KCNH8: variants seen among roughly 807,000 people sequenced by gnomAD.
KCNH8 encodes the protein potassium voltage-gated channel subfamily H member 8, also known as voltage-gated delayed rectifier potassium channel KCNH8.
Under a neutral mutation model 103.6 loss-of-function variants are expected in KCNH8, and 70 were observed. The ratio of observed to expected loss-of-function variants is 0.68; its 90% CI spans 0.56 to 0.82. The LOEUF (loss-of-function observed/expected upper bound fraction) is 0.82, where lower values mean the gene tolerates loss of function less well. Among genes scored for constraint, KCNH8 ranks in the 40% least tolerant of loss-of-function variants. The pLI is 0.00. For missense variants in KCNH8, 1,217 were observed against 1,329.9 expected, an observed-to-expected ratio of 0.92 and a Z score of 1.32; for synonymous variants, 498 against 489.4, an observed-to-expected ratio of 1.02 and a Z score of -0.23.
intron 1 of KCNH8, among the ~76,000 whole-genome samples, chr3:19,213,121 C>T (rs923893551): frequency 6.6e-6 from 1 of 152,206 alleles, no homozygotes; most frequent in Non-Finnish European, 1.5e-5. Flanking sequence ...ATCTCTACAG[C>T]ATCCTTTACT....
chr3:19,290,038 C>T (rs1172908415), intron 3 of KCNH8, among the ~76,000 whole-genome samples: 1 of 152,082 alleles, frequency 6.6e-6, no homozygotes, highest in Non-Finnish European at 1.5e-5. Context: ...CATGATTTGG[C>T]TCTCTGTTTG....
At chr3:19,166,143 G>T (rs575793496) in intron 1 of KCNH8, among the ~76,000 whole-genome samples, 1 of 152,148 alleles carries the variant, frequency 6.6e-6, no homozygotes, top group African/African-American at 2.4e-5. Context: ...CCTTATTATT[G>T]TTATCTTTGG....
rs141421856 is a variant in KCNH8, at chr3:19,256,861, T to C, written c.310+2974T>C. On this transcript the variant is annotated intron_variant, in intron 2 of 15. Coordinates refer to ENST00000328405, the MANE Select transcript of KCNH8 (RefSeq NM_144633.3). ...TTGCCTGACATTCTAAGAAAACTAA[T>C]TGATCCAGTTACAAGACTGAAAATT... Among the ~76,000 whole-genome samples the C allele has an allele frequency of 4.7e-3, 714 of 152,224 alleles. 6 individuals are homozygous for C. Among genetic ancestry groups the C allele is most frequent in the African/African-American group, 0.016 (661 of 41,572 alleles).
intron 2 of KCNH8, among the ~76,000 whole-genome samples, chr3:19,262,455 T>C (rs2064449608): frequency 6.6e-6 from 1 of 152,046 alleles, no homozygotes; most frequent in African/African-American, 2.4e-5. Context: ...GAACTCAAAA[T>C]AGGAAAAGAG....
At chr3:19,202,558 C>T (rs2063673880) in intron 1 of KCNH8, among the ~76,000 whole-genome samples, 1 of 152,018 alleles carries the variant, frequency 6.6e-6, no homozygotes, top group Non-Finnish European at 1.5e-5. Context: ...GCCAGATGCA[C>T]AAAGCTGCCA....
chr3:19,413,509 A>G (rs1031462179), intron 7 of KCNH8, among the ~76,000 whole-genome samples: 1 of 152,078 alleles, frequency 6.6e-6, no homozygotes, highest in Non-Finnish European at 1.5e-5. Flanking sequence ...TAACCCATGT[A>G]ACAAACCTGT....
Position 19,212,549 on chromosome 3 carries a change from GT to G in KCNH8, c.77-41103del, listed in dbSNP as rs577400075. ...TAGTTTATAAATCCTGAAAAGGCCT[GT>G]TCACATGTCTCAAGGCATCTAGCAC... On this transcript the variant is annotated intron_variant, in intron 1 of 15. Coordinates refer to ENST00000328405, the MANE Select transcript of KCNH8 (RefSeq NM_144633.3). Among the ~76,000 whole-genome samples the G allele has an allele frequency of 8.5e-5, 13 of 152,304 alleles. No individual in the cohort carries two copies. In the South Asian group the frequency reaches 1.9e-3, roughly 22 times the overall value.
chr3:19,264,747 G>C (rs920724841), intron 2 of KCNH8, among the ~76,000 whole-genome samples: 1 of 152,108 alleles, frequency 6.6e-6, no homozygotes, highest in Non-Finnish European at 1.5e-5. Flanking sequence ...TGTGGGCCAA[G>C]CTCTGTGCTC....
intron 15 of KCNH8, among the ~76,000 whole-genome samples, chr3:19,527,407 A>G (rs2069083988): frequency 6.6e-6 from 1 of 152,048 alleles, no homozygotes; most frequent in South Asian, 2.1e-4. Context: ...CAAATCCACT[A>G]TCAAATTGAG....
intron 11 of KCNH8, among the ~76,000 whole-genome samples, chr3:19,508,225 C>T (rs943945871): frequency 6.6e-6 from 1 of 152,020 alleles, no homozygotes; most frequent in Non-Finnish European, 1.5e-5. Context: ...GTGTCTATGC[C>T]AGATTTTGGT....
chr3:19,265,291 A>G (rs1575480475), intron 2 of KCNH8, among the ~76,000 whole-genome samples: 1 of 152,108 alleles, frequency 6.6e-6, no homozygotes, highest in African/African-American at 2.4e-5. Flanking sequence ...ATTATCAGGA[A>G]CAGCCACATA....
chr3:19,194,024 C>T (rs1260109024), intron 1 of KCNH8, among the ~76,000 whole-genome samples: 1 of 151,724 alleles, frequency 6.6e-6, no homozygotes, highest in East Asian at 1.9e-4. Flanking sequence ...AAGGAAAAGA[C>T]AGTAAATTTT....
intron 7 of KCNH8, among the ~76,000 whole-genome samples, chr3:19,433,059 G>A (rs984876944): frequency 3.3e-5 from 5 of 151,978 alleles, no homozygotes; most frequent in East Asian, 3.9e-4. Flanking sequence ...GGCAATTTAC[G>A]ATACTGTACA....
chr3:19,267,298 G>T (rs916651755), intron 2 of KCNH8, among the ~76,000 whole-genome samples: 6 of 152,084 alleles, frequency 3.9e-5, no homozygotes, highest in African/African-American at 1.4e-4. Context: ...CATGCCTGAT[G>T]ATGGAGACAA....
At chr3:19,207,398 G>T (rs2063728293) in intron 1 of KCNH8, among the ~76,000 whole-genome samples, 1 of 151,846 alleles carries the variant, frequency 6.6e-6, no homozygotes, top group African/African-American at 2.4e-5. Context: ...AAAAATGTTT[G>T]CCAGATGAAT....
At chr3:19,214,498 C>T (rs1262330167) in intron 1 of KCNH8, among the ~76,000 whole-genome samples, 1 of 152,190 alleles carries the variant, frequency 6.6e-6, no homozygotes, top group African/African-American at 2.4e-5. Flanking sequence ...CGATAAAAGC[C>T]AGCTCCTTTG....
chr3:19,253,631 A>G (rs750921698), intron 1 of KCNH8, 23 bp from the exon 2 acceptor site: 2 of 1,529,700 alleles, frequency 1.3e-6, no homozygotes, highest in Middle Eastern at 1.7e-4. Context: ...GTTGCTGAGT[A>G]TCTTCTCCTT....
chr3:19,232,502 T>C (rs569651457), intron 1 of KCNH8, among the ~76,000 whole-genome samples: 9 of 152,298 alleles, frequency 5.9e-5, no homozygotes, highest in African/African-American at 2.2e-4. Flanking sequence ...CAAGCTTGTA[T>C]AGAATTCAAA....
intron 2 of KCNH8, among the ~76,000 whole-genome samples, chr3:19,275,412 C>T (rs1490417947): frequency 6.6e-6 from 1 of 152,120 alleles, no homozygotes; most frequent in African/African-American, 2.4e-5. Context: ...CTGCCCTCCA[C>T]TGTTACACAG....
Sources: allele counts gnomAD v4.1 joint callset (sites outside exome capture counted in the v4.1 genomes callset), GRCh38; gene constraint gnomAD v4.1.1; transcripts MANE v1.5; gene names NCBI Gene and HGNC (gene_info 2026-07-23, HGNC 2026-07-21).